The following GRIK2 variants were observed in gnomAD, a reference collection of about 807,000 sequenced individuals.
GRIK2 encodes the protein glutamate receptor ionotropic, kainate 2.
GRIK2 carries 32 observed loss-of-function variants against 100.3 expected under a neutral mutation model. The ratio of observed to expected loss-of-function variants is 0.32; its 90% CI spans 0.24 to 0.43. The LOEUF (loss-of-function observed/expected upper bound fraction) is 0.43, where lower values mean the gene tolerates loss of function less well. Ranked by LOEUF, GRIK2 falls within the 20% of genes least tolerant of loss-of-function variation. The probability of loss-of-function intolerance (pLI) is 1.00; values close to 1 mark genes in which losing one functional copy is unlikely to be tolerated. For missense variants in GRIK2, 843 were observed against 1,114.9 expected (o/e 0.76, Z 3.47); for synonymous variants, 417 against 389.4 (o/e 1.07, Z -0.83).
chr6:101,698,428 T>C (rs1772650486), intron 7 of GRIK2, among the ~76,000 whole-genome samples: 1 of 152,108 alleles, frequency 6.6e-6, no homozygotes, highest in Non-Finnish European at 1.5e-5. Context: ...TCCTGCTTTA[T>C]TATGCAGAGG....
chr6:101,449,301 C>A (rs2128248523), intron 2 of GRIK2, among the ~76,000 whole-genome samples: 1 of 151,622 alleles, frequency 6.6e-6, no homozygotes, highest in South Asian at 2.1e-4. Flanking sequence ...TCATATTATT[C>A]TGAATTTTTA....
intron 14 of GRIK2, among the ~76,000 whole-genome samples, chr6:101,996,559 TAAAC>T (rs1298807646): frequency 3.3e-5 from 5 of 152,104 alleles, no homozygotes; most frequent in African/African-American, 1.2e-4. Context: ...TCAGAGCACT[TAAAC>T]AAAATGGACA....
chr6:101,961,311 G>A (rs1792283238), intron 14 of GRIK2, among the ~76,000 whole-genome samples: 1 of 152,104 alleles, frequency 6.6e-6, no homozygotes, highest in African/African-American at 2.4e-5. Context: ...CCTGTACTCT[G>A]CAGCGGGAAT....
chr6:101,601,824 T>C (rs909356175), intron 2 of GRIK2, among the ~76,000 whole-genome samples: 4 of 151,868 alleles, frequency 2.6e-5, no homozygotes, highest in African/African-American at 9.7e-5. Context: ...TTCTCTTTTT[T>C]TCTTGGTTAA....
intron 14 of GRIK2, among the ~76,000 whole-genome samples, chr6:101,955,991 T>G (rs1422357234): frequency 6.6e-6 from 1 of 152,076 alleles, no homozygotes; most frequent in East Asian, 1.9e-4. Flanking sequence ...GTTAGGTCAT[T>G]GATATGAGGT....
In GRIK2 at chr6:101,709,729, G is replaced by A. The variant is rs967159568; in HGVS notation, c.951+23376G>A. Among the ~76,000 whole-genome samples, 9 of 151,748 alleles carry A rather than the reference G, an allele frequency of 5.9e-5. No homozygotes were observed. In the East Asian group the frequency reaches 9.8e-4, roughly 16 times the overall value. On this transcript the variant is annotated intron_variant, in intron 7 of 16. Transcript: ENST00000369134. ...TCCCAGCCAAATAACTGGGCTTTGCGCGGGGTAGGTATTTAAGTTTATGGC... is the reference window on the plus strand; with the variant it reads ...TCCCAGCCAAATAACTGGGCTTTGCACGGGGTAGGTATTTAAGTTTATGGC...
At chr6:101,503,096 C>G (rs1773849413) in intron 2 of GRIK2, among the ~76,000 whole-genome samples, 1 of 152,034 alleles carries the variant, frequency 6.6e-6, no homozygotes, top group South Asian at 2.1e-4. Flanking sequence ...ATTATTGGTG[C>G]CTGGGAAAGA....
chr6:102,037,418 A>G (rs185460384), intron 15 of GRIK2, among the ~76,000 whole-genome samples: 372 of 151,558 alleles, frequency 2.5e-3, no homozygotes, highest in Middle Eastern at 6.8e-3. Context: ...TTTAGAACTT[A>G]GACCAACAAA....
Position 101,421,372 on chromosome 6 carries a change from G to A in GRIK2, c.115+21980G>A, listed in dbSNP as rs149546308. On this transcript the variant is annotated intron_variant, in intron 2 of 16. Coordinates refer to ENST00000369134, the MANE Select transcript of GRIK2 (RefSeq NM_021956.5). The stretch of plus-strand genomic sequence containing the variant: ...AAGTTGGCTTAGGGTTTACTCGCAC[G>A]GAAGAAAGAGGAGGAAGCAGGGGTC... Among the ~76,000 whole-genome samples the A allele has an allele frequency of 9.8e-3, 1,489 of 152,326 alleles. 9 individuals carry two copies. Among genetic ancestry groups the A allele is most frequent in the Admixed American group, 0.018 (280 of 15,302 alleles).
intron 12 of GRIK2, among the ~76,000 whole-genome samples, chr6:101,915,013 A>T (rs1562484816): frequency 6.6e-6 from 1 of 151,428 alleles, no homozygotes; most frequent in Non-Finnish European, 1.5e-5. Flanking sequence ...CTTAACTAAC[A>T]TCCTGCTCAT....
chr6:101,426,474 C>G (rs1006352382), intron 2 of GRIK2, among the ~76,000 whole-genome samples: 2 of 152,078 alleles, frequency 1.3e-5, no homozygotes, highest in African/African-American at 4.8e-5. Flanking sequence ...TCTTTATCCC[C>G]CCTCCTCCCT....
intron 2 of GRIK2, among the ~76,000 whole-genome samples, chr6:101,602,188 C>T (rs887348501): frequency 6.6e-6 from 1 of 151,492 alleles, no homozygotes; most frequent in African/African-American, 2.4e-5. Context: ...ATGCAGAAGT[C>T]ATTTGGGAGC....
intron 14 of GRIK2, among the ~76,000 whole-genome samples, chr6:102,004,715 C>T (rs1276490182): frequency 6.6e-6 from 1 of 151,870 alleles, no homozygotes; most frequent in Non-Finnish European, 1.5e-5. Context: ...CTTCTCGATA[C>T]AAAGATCAGC....
intron 12 of GRIK2, among the ~76,000 whole-genome samples, chr6:101,921,687 AGT>A (rs757028334): frequency 2.0e-4 from 30 of 152,066 alleles, no homozygotes; most frequent in Middle Eastern, 3.4e-3. Context: ...AGTGAGTAAG[AGT>A]GTGTGTGTGT....
chr6:101,567,387 C>T (rs1777326680), intron 2 of GRIK2, among the ~76,000 whole-genome samples: 1 of 151,886 alleles, frequency 6.6e-6, no homozygotes, highest in Non-Finnish European at 1.5e-5. Flanking sequence ...TTCACAAATG[C>T]AAATCTGTCA....
chr6:101,405,533 A>C (rs1430387972), intron 2 of GRIK2, among the ~76,000 whole-genome samples: 2 of 152,208 alleles, frequency 1.3e-5, no homozygotes, highest in African/African-American at 4.8e-5. Context: ...TCAGTAGTAG[A>C]GAAACCACAG....
chr6:101,955,722 T>A (rs1280635742), intron 14 of GRIK2, among the ~76,000 whole-genome samples: 2 of 152,120 alleles, frequency 1.3e-5, no homozygotes, highest in Non-Finnish European at 1.5e-5. Context: ...TACATATTAT[T>A]CCCTTTTAAT....
chr6:101,661,040 G>T (rs950948689), intron 4 of GRIK2, among the ~76,000 whole-genome samples: 1 of 152,168 alleles, frequency 6.6e-6, no homozygotes, highest in African/African-American at 2.4e-5. Flanking sequence ...AGAGCCAGCA[G>T]GCAGGAATGT....
At chr6:102,060,522 C>G (rs965523061) in intron 16 of GRIK2, among the ~76,000 whole-genome samples, 1 of 150,686 alleles carries the variant, frequency 6.6e-6, no homozygotes, top group African/African-American at 2.4e-5. Flanking sequence ...CAGATAGCTA[C>G]GTATAAGCTG....
Sources: gnomAD v4.1 joint callset for allele counts (sites outside exome capture counted in the v4.1 genomes callset) on GRCh38, gnomAD v4.1.1 for gene constraint, MANE v1.5 for transcripts, NCBI Gene and HGNC (gene_info 2026-07-23, HGNC 2026-07-21) for gene names.